Variants in NLGN1 observed in about 807,000 individuals in gnomAD.
NLGN1 encodes neuroligin-1.
In NLGN1, 12 loss-of-function variants were observed where a neutral mutation model predicts 65.5. The ratio of observed to expected loss-of-function variants is 0.18; its 90% CI spans 0.12 to 0.30. The LOEUF (loss-of-function observed/expected upper bound fraction) is 0.30. NLGN1 is among the 10% of genes least tolerant of loss of function. NLGN1 has a pLI of 1.00. For missense variants in NLGN1, 750 were observed against 1,007.1 expected (o/e 0.74, Z 3.46); for synonymous variants, 350 against 359.5 (o/e 0.97, Z 0.30).
chr3:173,673,201 C>T (rs1762683403), intron 3 of NLGN1, among the ~76,000 whole-genome samples: 1 of 151,870 alleles, frequency 6.6e-6, no homozygotes, highest in Non-Finnish European at 1.5e-5. Flanking sequence ...TGAAATGTAC[C>T]CCTGGGTAAA....
At chr3:173,912,784 G>A (rs184125492) in intron 4 of NLGN1, among the ~76,000 whole-genome samples, 1 of 151,932 alleles carries the variant, frequency 6.6e-6, no homozygotes, top group East Asian at 1.9e-4. Context: ...TAAAATTATG[G>A]ACTTTATAAT....
At chr3:173,731,673 T>C (rs1431927264) in intron 3 of NLGN1, among the ~76,000 whole-genome samples, 1 of 152,040 alleles carries the variant, frequency 6.6e-6, no homozygotes, top group Non-Finnish European at 1.5e-5. Context: ...TGAGAAACAT[T>C]TTTCATTATT....
chr3:173,649,979 C>G (rs1313613258), intron 3 of NLGN1, among the ~76,000 whole-genome samples: 1 of 151,960 alleles, frequency 6.6e-6, no homozygotes, highest in Non-Finnish European at 1.5e-5. Flanking sequence ...TAAAAGGATA[C>G]TATATTCTTA....
intron 4 of NLGN1, among the ~76,000 whole-genome samples, chr3:173,884,652 C>G (rs547394574): frequency 7.2e-5 from 11 of 152,158 alleles, no homozygotes; most frequent in Admixed American, 2.0e-4. Context: ...ACATAGGACT[C>G]TAGACTTTAT....
chr3:173,547,084 T>G (rs891082037), intron 2 of NLGN1, among the ~76,000 whole-genome samples: 1 of 152,194 alleles, frequency 6.6e-6, no homozygotes, highest in African/African-American at 2.4e-5. Flanking sequence ...CACTTTGGCA[T>G]ACTTGTTAAT....
intron 4 of NLGN1, among the ~76,000 whole-genome samples, chr3:174,146,274 A>C (rs180980030): frequency 6.6e-6 from 1 of 152,236 alleles, no homozygotes; most frequent in East Asian, 1.9e-4. Context: ...GTACACTTTG[A>C]GTATATACAA....
chr3:174,265,551 G>A (rs887403968), intron 4 of NLGN1, among the ~76,000 whole-genome samples: 30 of 151,798 alleles, frequency 2.0e-4, no homozygotes, highest in Admixed American at 1.4e-3. Flanking sequence ...CACACGGTGC[G>A]CGCACCCACT....
At chr3:174,109,844 C>G (rs1047230847) in intron 4 of NLGN1, among the ~76,000 whole-genome samples, 1 of 152,040 alleles carries the variant, frequency 6.6e-6, no homozygotes, top group Admixed American at 6.6e-5. Flanking sequence ...TCAGTGTATG[C>G]TGATACTACA....
chr3:173,904,874 C>T (rs763825691), intron 4 of NLGN1, among the ~76,000 whole-genome samples: 17 of 152,130 alleles, frequency 1.1e-4, no homozygotes, highest in African/African-American at 4.1e-4. Flanking sequence ...CAATAGCACA[C>T]GCTGATTATA....
chr3:173,647,603 TA>T (rs1345667072), intron 3 of NLGN1, among the ~76,000 whole-genome samples: 4 of 151,890 alleles, frequency 2.6e-5, no homozygotes, highest in African/African-American at 9.7e-5. Flanking sequence ...TAAATCAGAA[TA>T]AAAAAATGGA....
chr3:173,647,348 T>C (rs2149618938), intron 3 of NLGN1, among the ~76,000 whole-genome samples: 1 of 152,218 alleles, frequency 6.6e-6, no homozygotes, highest in South Asian at 2.1e-4. Context: ...TTTGACATAA[T>C]TGACATATAT....
At chr3:173,890,511 G>T (rs989978882) in intron 4 of NLGN1, among the ~76,000 whole-genome samples, 2 of 152,084 alleles carry the variant, frequency 1.3e-5, no homozygotes, top group African/African-American at 4.8e-5. Flanking sequence ...CCTTTTCCCT[G>T]ACCTCAAATG....
intron 4 of NLGN1, among the ~76,000 whole-genome samples, chr3:174,143,877 A>T (rs1722727590): frequency 6.6e-6 from 1 of 152,100 alleles, no homozygotes; most frequent in Non-Finnish European, 1.5e-5. Context: ...TTTTAATTTT[A>T]GACTTAGATG....
chr3:174,007,421 T>G (rs1374970725), intron 4 of NLGN1, among the ~76,000 whole-genome samples: 1 of 152,206 alleles, frequency 6.6e-6, no homozygotes, highest in Non-Finnish European at 1.5e-5. Context: ...TTTTTCTCAT[T>G]CTCAAATGCT....
chr3:173,714,886 G>A (rs192507971), intron 3 of NLGN1, among the ~76,000 whole-genome samples: 22 of 152,202 alleles, frequency 1.4e-4, no homozygotes, highest in African/African-American at 5.3e-4. Flanking sequence ...TGTTAGGGAG[G>A]TTAGACTTTC....
intron 2 of NLGN1, among the ~76,000 whole-genome samples, chr3:173,453,348 T>G (rs1721959461): frequency 6.6e-6 from 1 of 151,990 alleles, no homozygotes; most frequent in South Asian, 2.1e-4. Flanking sequence ...TCTTCCTGTG[T>G]TGGCCTCCCA....
At chr3:174,073,188 G>GT (rs557228923) in intron 4 of NLGN1, among the ~76,000 whole-genome samples, 70 of 150,032 alleles carry the variant, frequency 4.7e-4, no homozygotes, top group African/African-American at 1.3e-3. Flanking sequence ...AAAATCATAG[G>GT]TTTTTTTTTC....
chr3:174,186,112 G>A (rs2152753195), intron 4 of NLGN1, among the ~76,000 whole-genome samples: 1 of 152,168 alleles, frequency 6.6e-6, no homozygotes, highest in South Asian at 2.1e-4. Context: ...AGAAAAGATA[G>A]CTGTTAGAAA....
upstream of NLGN1, chr3:173,398,083 CAG>C (rs1232262915): frequency 6.6e-6 from 1 of 152,238 alleles, no homozygotes; most frequent in East Asian, 1.9e-4. Flanking sequence ...AAATAAGGAA[CAG>C]ATTACGAGAA....
Sources: gnomAD v4.1 joint callset for allele counts (sites outside exome capture counted in the v4.1 genomes callset) on GRCh38, gnomAD v4.1.1 for gene constraint, MANE v1.5 for transcripts, NCBI Gene and HGNC (gene_info 2026-07-23, HGNC 2026-07-21) for gene names.